OR9Q1: variants seen among roughly 807,000 people sequenced by gnomAD.
The protein encoded by OR9Q1 is olfactory receptor family 9 subfamily Q member 1, also known as olfactory receptor 9Q1.
For synonymous variants in OR9Q1, 153 were observed against 148.6 expected (o/e 1.03, Z -0.22); for missense variants, 374 against 378.8 (o/e 0.99, Z 0.11).
At chr11:58,119,784 T>C (rs1032221720) in intron 2 of OR9Q1, among the ~76,000 whole-genome samples, 2 of 151,950 alleles carry the variant, frequency 1.3e-5, no homozygotes, top group Non-Finnish European at 2.9e-5. Context: ...ACTTACCATA[T>C]ACCCACCACA....
intron 1 of OR9Q1, among the ~76,000 whole-genome samples, chr11:58,037,685 ATAT>A (rs1565056479): frequency 1.8e-3 from 14 of 7,570 alleles, no homozygotes; most frequent in Non-Finnish European, 3.9e-3. Flanking sequence ...ATATATATAT[ATAT>A]ATTTTTTTTT....
rs373892437 is a variant in OR9Q1 at position 58,031,069 on chromosome 11, C to T, written c.-93+6965C>T. ...TACTCTTCCTCACCATGTACCTGTT[C>T]ACCTTGGTGGAGAATTTGGCCATCA... On this transcript the variant is annotated intron_variant, in intron 1 of 2. Transcript: ENST00000335397. 6.8e-6 allele frequency: 11 copies of T among 1,613,758 alleles called. No homozygotes were observed. The East Asian group carries it at 1.3e-4, about 20-fold the overall frequency.
intron 2 of OR9Q1, among the ~76,000 whole-genome samples, chr11:58,138,983 T>C (rs1445245574): frequency 6.6e-6 from 1 of 151,460 alleles, no homozygotes; most frequent in Non-Finnish European, 1.5e-5. Context: ...ACAAATTGAA[T>C]TTACAATAGA....
chr11:58,068,931 A>G (rs1198109612), intron 2 of OR9Q1, among the ~76,000 whole-genome samples: 4 of 152,148 alleles, frequency 2.6e-5, no homozygotes, highest in African/African-American at 7.2e-5. Flanking sequence ...TGTCCAACAC[A>G]TTATTCTGCC....
At chr11:58,035,267 GAAAA>G (rs58981671) in intron 1 of OR9Q1, among the ~76,000 whole-genome samples, 2 of 151,880 alleles carry the variant, frequency 1.3e-5, no homozygotes, top group African/African-American at 4.8e-5. Context: ...TGCAGAAAAA[GAAAA>G]AAAACAAATT....
chr11:58,067,373 G>A (rs369210949), intron 2 of OR9Q1, among the ~76,000 whole-genome samples: 16 of 152,166 alleles, frequency 1.1e-4, no homozygotes, highest in Non-Finnish European at 1.6e-4. Context: ...AATCTGCTGC[G>A]AATTCTCGGA....
intron 2 of OR9Q1, among the ~76,000 whole-genome samples, chr11:58,098,888 A>T (rs534595517): frequency 4.6e-5 from 7 of 151,974 alleles, no homozygotes; most frequent in Non-Finnish European, 7.4e-5. Flanking sequence ...ATTAAGTTTC[A>T]TGTTTATTTC....
chr11:58,160,137 A>G (rs1204739990), intron 2 of OR9Q1, among the ~76,000 whole-genome samples: 1 of 152,224 alleles, frequency 6.6e-6, no homozygotes, highest in African/African-American at 2.4e-5. Context: ...GTTATGGTCA[A>G]CAGCTCTGCT....
At chr11:58,167,092 C>T (rs1854512170) in intron 2 of OR9Q1, among the ~76,000 whole-genome samples, 1 of 152,134 alleles carries the variant, frequency 6.6e-6, no homozygotes, top group South Asian at 2.1e-4. Flanking sequence ...TCCTTATTAC[C>T]TTCCACTTAT....
At chr11:58,064,848 T>C (rs1853413251) in intron 2 of OR9Q1, among the ~76,000 whole-genome samples, 1 of 152,034 alleles carries the variant, frequency 6.6e-6, no homozygotes, top group African/African-American at 2.4e-5. Context: ...GAGGTGGGAC[T>C]GAATGTAGAT....
chr11:58,174,030 G>A (rs1449196960), intron 2 of OR9Q1, among the ~76,000 whole-genome samples: 1 of 152,122 alleles, frequency 6.6e-6, no homozygotes, highest in Non-Finnish European at 1.5e-5. Context: ...TGTGATTTGA[G>A]AGGGTAGAAT....
intron 2 of OR9Q1, among the ~76,000 whole-genome samples, chr11:58,058,954 C>T (rs1010001714): frequency 2.0e-5 from 3 of 152,204 alleles, no homozygotes; most frequent in Non-Finnish European, 2.9e-5. Context: ...CATGGCTGAT[C>T]TGGGGGAAAG....
intron 2 of OR9Q1, among the ~76,000 whole-genome samples, chr11:58,178,252 G>T (rs968499144): frequency 6.6e-6 from 1 of 152,134 alleles, no homozygotes; most frequent in African/African-American, 2.4e-5. Flanking sequence ...AATAATTTGC[G>T]TATTTCGAAC....
intron 2 of OR9Q1, among the ~76,000 whole-genome samples, chr11:58,179,104 AG>A (rs1050671300): frequency 6.7e-6 from 1 of 149,904 alleles, no homozygotes; most frequent in Non-Finnish European, 1.5e-5. Flanking sequence ...CCAAGATGGG[AG>A]CTTTGACCTC....
At chr11:58,123,659 A>G (rs1854058472) in intron 2 of OR9Q1, among the ~76,000 whole-genome samples, 1 of 152,202 alleles carries the variant, frequency 6.6e-6, no homozygotes, top group Admixed American at 6.5e-5. Context: ...CTAGGAAGGA[A>G]CAGAACAGAC....
At chr11:58,063,570 T>A (rs1444920221) in intron 2 of OR9Q1, among the ~76,000 whole-genome samples, 1 of 152,186 alleles carries the variant, frequency 6.6e-6, no homozygotes. Flanking sequence ...ATAAACTCAT[T>A]TCTACTAGGG....
At chr11:58,168,549 T>C (rs1017391901) in intron 2 of OR9Q1, among the ~76,000 whole-genome samples, 1 of 152,182 alleles carries the variant, frequency 6.6e-6, no homozygotes, top group African/African-American at 2.4e-5. Flanking sequence ...CTCTACAAAC[T>C]GTGTTTTTCT....
At position 58,157,971 on chromosome 11, in the gene OR9Q1, C is replaced by A. The variant is rs149227950; in HGVS notation, c.-14-21460C>A. 4.6e-5 allele frequency among the ~76,000 whole-genome samples: 7 copies of A among 152,234 alleles called. No homozygotes were observed. The East Asian group carries it at 1.4e-3, about 29-fold the overall frequency. On this transcript the variant is annotated intron_variant, in intron 2 of 2. Transcript: ENST00000335397. Reference sequence around the variant, plus strand: ...CTTAGTCAGGGATTGTTGGCTATGGCAAATAGAAATCTATTCAAACTAGCT... The same window carrying A: ...CTTAGTCAGGGATTGTTGGCTATGGAAAATAGAAATCTATTCAAACTAGCT...
chr11:58,131,959 A>G (rs1454295308), intron 2 of OR9Q1, among the ~76,000 whole-genome samples: 1 of 152,224 alleles, frequency 6.6e-6, no homozygotes, highest in African/African-American at 2.4e-5. Flanking sequence ...CTGGAAGGAT[A>G]TTAATAGTAT....
Sources: gnomAD v4.1 joint callset for allele counts (sites outside exome capture counted in the v4.1 genomes callset) on GRCh38, gnomAD v4.1.1 for gene constraint, MANE v1.5 for transcripts, NCBI Gene and HGNC (gene_info 2026-07-23, HGNC 2026-07-21) for gene names.